RNF217: variants seen among roughly 807,000 people sequenced by gnomAD.
The protein encoded by RNF217 is ring finger protein 217.
In RNF217, 31 loss-of-function variants were observed where a neutral mutation model predicts 57.8. The observed-to-expected ratio is 0.54, with a 90% CI of 0.40 to 0.72. RNF217 has a LOEUF of 0.72. Ranked by LOEUF, RNF217 falls within the 30% of genes least tolerant of loss-of-function variation. RNF217 has a pLI of 0.00. For synonymous variants in RNF217, 313 were observed against 294.0 expected (o/e 1.06, Z -0.66); for missense variants, 696 against 708.3 (o/e 0.98, Z 0.20).
chr6:125,039,151 C>G (rs1786772518), intron 1 of RNF217, among the ~76,000 whole-genome samples: 1 of 152,098 alleles, frequency 6.6e-6, no homozygotes, highest in African/African-American at 2.4e-5. Context: ...GCTTCCAGCT[C>G]CATCCATGTC....
At chr6:125,037,775 G>A (rs757992582) in intron 1 of RNF217, among the ~76,000 whole-genome samples, 7 of 152,030 alleles carry the variant, frequency 4.6e-5, no homozygotes, top group Admixed American at 1.3e-4. Context: ...TACTGCTTTC[G>A]TTGCAATATT....
At chr6:125,015,988 A>G (rs1221061051) in intron 1 of RNF217, among the ~76,000 whole-genome samples, 2 of 152,190 alleles carry the variant, frequency 1.3e-5, no homozygotes, top group Non-Finnish European at 2.9e-5. Flanking sequence ...AATACAGAGC[A>G]GTATGTGTCT....
At chr6:124,999,934 A>G (rs1046643533) in intron 1 of RNF217, among the ~76,000 whole-genome samples, 7 of 152,216 alleles carry the variant, frequency 4.6e-5, no homozygotes, top group African/African-American at 2.4e-5. Context: ...ACAAATTGAC[A>G]AGATCAGTTT....
chr6:124,994,670 TC>T (rs1320019260), intron 1 of RNF217, among the ~76,000 whole-genome samples: 1 of 152,234 alleles, frequency 6.6e-6, no homozygotes, highest in African/African-American at 2.4e-5. Flanking sequence ...GTATATATCC[TC>T]AAACTACTAC....
At chr6:125,045,173 G>A (rs938301114) in intron 1 of RNF217, 38 bp from the exon 2 acceptor site, 30 of 1,314,028 alleles carry the variant, frequency 2.3e-5, no homozygotes, top group Non-Finnish European at 3.2e-5. Context: ...AATAACCAGT[G>A]ACGTTTTTTT....
At chr6:124,989,755 G>T (rs1488452541) in intron 1 of RNF217, among the ~76,000 whole-genome samples, 1 of 151,806 alleles carries the variant, frequency 6.6e-6, no homozygotes, top group Non-Finnish European at 1.5e-5. Context: ...CAGCAGGTTA[G>T]ATGTGGCCCA....
At chr6:125,028,429 T>C in intron 1 of RNF217, among the ~76,000 whole-genome samples, 1 of 152,076 alleles carries the variant, frequency 6.6e-6, no homozygotes. Context: ...ATATATTTCT[T>C]TTGGAACTAC....
intron 3 of RNF217, among the ~76,000 whole-genome samples, chr6:125,074,320 GATA>G (rs1203363400): frequency 6.6e-6 from 1 of 151,784 alleles, no homozygotes; most frequent in Non-Finnish European, 1.5e-5. Flanking sequence ...TAGATAGATA[GATA>G]GATAGATAGA....
At chr6:124,981,270 G>A (rs1267008034) in intron 1 of RNF217, among the ~76,000 whole-genome samples, 1 of 152,162 alleles carries the variant, frequency 6.6e-6, no homozygotes, top group East Asian at 1.9e-4. Flanking sequence ...TTTTCCCCAT[G>A]TGAACACAAA....
At chr6:124,981,490 A>G (rs1450764640) in intron 1 of RNF217, among the ~76,000 whole-genome samples, 1 of 152,200 alleles carries the variant, frequency 6.6e-6, no homozygotes, top group African/African-American at 2.4e-5. Context: ...TTCAGGCCAT[A>G]GGTAGATAAG....
chr6:124,967,684 AC>A (rs905880738), intron 1 of RNF217, among the ~76,000 whole-genome samples: 4 of 152,344 alleles, frequency 2.6e-5, no homozygotes, highest in African/African-American at 7.2e-5. Context: ...TACTGTAGTC[AC>A]CCTAGAGTCA....
intron 1 of RNF217, among the ~76,000 whole-genome samples, chr6:125,014,124 C>T (rs1033628978): frequency 2.6e-5 from 4 of 152,204 alleles, no homozygotes; most frequent in African/African-American, 9.6e-5. Flanking sequence ...CCTCAGGTAG[C>T]ACCATTTACA....
chr6:124,983,589 A>T, intron 1 of RNF217: 1 of 722,224 alleles, frequency 1.4e-6, no homozygotes, highest in Non-Finnish European at 1.7e-6. Context: ...CTTCACTTTC[A>T]TAAGGGTGTG....
At chr6:125,031,259 C>T (rs1786346893) in intron 1 of RNF217, among the ~76,000 whole-genome samples, 1 of 152,230 alleles carries the variant, frequency 6.6e-6, no homozygotes, top group African/African-American at 2.4e-5. Flanking sequence ...AGGCCTCTGA[C>T]ATGGCCTGGA....
At chr6:124,987,882 G>A (rs185941138) in intron 1 of RNF217, among the ~76,000 whole-genome samples, 11 of 152,140 alleles carry the variant, frequency 7.2e-5, no homozygotes, top group South Asian at 2.1e-4. Context: ...TACATTCTGC[G>A]GTTTGTTGTG....
Position 125,088,347 on chromosome 6 carries a change from C to T in RNF217, c.*5410C>T, listed in dbSNP as rs892393338. On this transcript the variant is annotated 3_prime_UTR_variant, in exon 6 of 6. Transcript: ENST00000521654. ...TCTTTAAGAAAGAATTACAGTGGGA[C>T]TCCTTTGAAACTCTGATTTTGAAAA... is the stretch of plus-strand genomic sequence containing the variant. 2.0e-5 allele frequency: 3 copies of T among 152,090 alleles called. No individual in the cohort carries two copies. Among genetic ancestry groups the T allele is most frequent in the Non-Finnish European group, 4.4e-5 (3 of 67,990 alleles). 9.4% of individuals were successfully genotyped at this position (152,090 alleles called of 1,614,324 possible). A position where few individuals can be genotyped will look rare whatever the true frequency, so the allele number is the denominator to read the frequency against.
At chr6:125,078,841 C>G (rs1436430534) in intron 4 of RNF217, among the ~76,000 whole-genome samples, 2 of 152,174 alleles carry the variant, frequency 1.3e-5, no homozygotes, top group African/African-American at 4.8e-5. Context: ...TGCCTCTTAA[C>G]TGCTGTTGGA....
intron 1 of RNF217, among the ~76,000 whole-genome samples, chr6:125,012,398 A>G (rs1417746760): frequency 1.3e-5 from 2 of 152,148 alleles, no homozygotes; most frequent in African/African-American, 4.8e-5. Context: ...TCATGTCTAC[A>G]GTGTGTTTTT....
chr6:125,020,564 C>CTT (rs551891600), intron 1 of RNF217, among the ~76,000 whole-genome samples: 1 of 145,656 alleles, frequency 6.9e-6, no homozygotes, highest in South Asian at 2.2e-4. Flanking sequence ...TTGTTGTTGC[C>CTT]TTTTTTTTTT....
Sources: allele counts gnomAD v4.1 joint callset (sites outside exome capture counted in the v4.1 genomes callset), GRCh38; gene constraint gnomAD v4.1.1; transcripts MANE v1.5; gene names NCBI Gene and HGNC (gene_info 2026-07-23, HGNC 2026-07-21).